Variants in MAP3K19 observed in about 807,000 individuals in gnomAD.
MAP3K19 encodes SPS1/STE20-related protein kinase YSK4.
In MAP3K19, 91 loss-of-function variants were observed where a neutral mutation model predicts 114.4. The observed-to-expected ratio is 0.80, with a 90% CI of 0.67 to 0.95. MAP3K19 has a LOEUF of 0.95. Among genes scored for constraint, MAP3K19 ranks in the 40% least tolerant of loss-of-function variants. MAP3K19 has a pLI of 0.00. For missense variants in MAP3K19, 1,471 were observed against 1,573.2 expected, an observed-to-expected ratio of 0.94 and a Z score of 1.10; for synonymous variants, 518 against 530.5, an observed-to-expected ratio of 0.98 and a Z score of 0.32.
chr2:134,987,135 A>G lies in MAP3K19; in HGVS notation c.1737T>C (p.Leu579=), dbSNP rs748314026. Residue 579 remains leucine, a synonymous_variant, in exon 10 of 13, where the codon CTT becomes CTC. Transcript: ENST00000392915. ...GCAATTGCCAAGGCCTGGGGTCCAC[A>G]AGTCCCAAAGCCGGGAAAATTTGTG... ...IKTQIFPALG[L]VDPRPWQLPR... is the part of the protein sequence containing the mutation. 27 of 1,614,092 alleles carry G rather than the reference A, an allele frequency of 1.7e-5. No homozygotes were observed. The highest frequency in any genetic ancestry group is 2.2e-5 in the Non-Finnish European group (26 of 1,180,036).
chr2:134,986,990 C>G lies in MAP3K19; in HGVS notation c.1882G>C (p.Val628Leu). Residue 628 changes from valine to leucine, a missense_variant, in exon 10 of 13, where the codon GTT (valine) becomes CTT (leucine). By Grantham distance (32) the Val-to-Leu change is conservative (BLOSUM62 1). Transcript: ENST00000392915. The stretch of plus-strand genomic sequence containing the variant: ...TCTGTCGGTTGAACAGAGAGAGGAA[C>G]ACATGACTTCTGTGTTCCTGGATTT... ...CKNPGTQKSC[V>L]PLSVQPTEPR... 6.2e-7 allele frequency: 1 copy of G among 1,613,644 alleles called. No individual in the cohort carries two copies. The highest frequency in any genetic ancestry group is 1.1e-5 in the South Asian group (1 of 91,078).
At chr2:134,989,083 T>C (rs2105245246) in intron 9 of MAP3K19, among the ~76,000 whole-genome samples, 1 of 152,334 alleles carries the variant, frequency 6.6e-6, no homozygotes, top group Admixed American at 6.5e-5. Flanking sequence ...GGCAAATGGA[T>C]GGCTTTCCTT....
At chr2:135,013,074 C>A (rs1048500646) in intron 5 of MAP3K19, among the ~76,000 whole-genome samples, 1 of 152,224 alleles carries the variant, frequency 6.6e-6, no homozygotes, top group East Asian at 1.9e-4. Context: ...AATCCTAACA[C>A]TTTGGGAGGC....
intron 5 of MAP3K19, among the ~76,000 whole-genome samples, chr2:135,006,913 C>T (rs902851190): frequency 3.3e-5 from 5 of 151,994 alleles, no homozygotes; most frequent in Non-Finnish European, 7.4e-5. Flanking sequence ...CATGGTGAGT[C>T]ACACCTATAA....
At position 134,999,754 on chromosome 2, in the gene MAP3K19, A is replaced by T. The variant is rs562955686; in HGVS notation, c.314+183T>A. Among the ~76,000 whole-genome samples, 1 of 90,080 alleles carries T rather than the reference A, an allele frequency of 1.1e-5. No individual in the cohort carries two copies. Among genetic ancestry groups the T allele is most frequent in the East Asian group, 4.7e-4 (1 of 2,138 alleles). 59.1% of individuals were successfully genotyped at this position (90,080 alleles called of 152,430 possible). A position where few individuals can be genotyped will look rare whatever the true frequency, so the allele number is the denominator to read the frequency against. On this transcript the variant is annotated intron_variant, in intron 7 of 12. Coordinates refer to ENST00000392915, the MANE Select transcript of MAP3K19 (RefSeq NM_025052.5). This position sits in a 1 kb window ranked among gnomAD's most constrained non-coding sequence, Gnocchi z 4.1. ...ACAGTTGCAGAGTTGAATCATCACA[A>T]CAGAGACCATATGGCCCACACAGCC...
intron 2 of MAP3K19, among the ~76,000 whole-genome samples, chr2:135,037,615 G>T (rs1688561313): frequency 6.6e-6 from 1 of 152,176 alleles, no homozygotes; most frequent in Non-Finnish European, 1.5e-5. Flanking sequence ...TGCAGGTCTT[G>T]TGAGCAAAAG....
intron 2 of MAP3K19, among the ~76,000 whole-genome samples, chr2:135,037,359 A>G (rs1393241384): frequency 2.0e-5 from 3 of 152,202 alleles, no homozygotes; most frequent in Non-Finnish European, 2.9e-5. Flanking sequence ...GACTTTGCGC[A>G]GCATTGTTGA....
chr2:134,966,627 A>C (rs1244089363), intron 12 of MAP3K19, among the ~76,000 whole-genome samples: 1 of 152,140 alleles, frequency 6.6e-6, no homozygotes, highest in Non-Finnish European at 1.5e-5. Context: ...AACTTGGGTG[A>C]CTTTGGCTAA....
intron 3 of MAP3K19, among the ~76,000 whole-genome samples, chr2:135,025,809 CTCT>C (rs1224717798): frequency 3.0e-4 from 2 of 6,710 alleles, no homozygotes; most frequent in Non-Finnish European, 5.1e-4. Context: ...CAGCACAAGT[CTCT>C]TCTTATCCTA....
Position 135,021,824 on chromosome 2 carries a change from T to G in MAP3K19, c.29A>C (p.His10Pro). The G allele has an allele frequency of 6.3e-7, 1 of 1,587,188 alleles. No homozygotes were observed. The highest frequency in any genetic ancestry group is 1.3e-5 in the African/African-American group (1 of 74,158). The change falls in exon 5 of 13, where the codon CAT (histidine) becomes CCT (proline). Residue 10 changes from histidine (H) to proline (P), a missense_variant. His to Pro is a moderately conservative substitution (Grantham distance 77, BLOSUM62 -2). Transcript: ENST00000392915. The stretch of plus-strand genomic sequence containing the variant: ...ACAAATGTCAAGCAATGACTCAGCA[T>G]GTCTTTCTATCAAAAGAAACATAAT... Reference protein sequence around the residue: MSSMPKPERHAESLLDICHD... With the variant: MSSMPKPERPAESLLDICHD...
chr2:134,987,497 A>G lies in MAP3K19; in HGVS notation c.1375T>C (p.Cys459Arg). The G allele has an allele frequency of 6.2e-7, 1 of 1,614,180 alleles. No individual in the cohort carries two copies. The highest frequency in any genetic ancestry group is 8.5e-7 in the Non-Finnish European group (1 of 1,180,044). ...TTTATGTTTGTCTCCATGCTGCTAC[A>G]ACCTTCTGGGAGTTTATCAATGGGG... Reference protein sequence around the residue: ...DDPIDKLPEGCSSMETNIKIS... With the variant: ...DDPIDKLPEGRSSMETNIKIS... Residue 459 changes from cysteine to arginine, a missense_variant, in exon 10 of 13, where the codon TGT becomes CGT. Transcript: ENST00000392915.
intron 11 of MAP3K19, 109 bp from the exon 12 acceptor site, chr2:134,981,627 C>T (rs1275100771): frequency 7.1e-6 from 6 of 845,932 alleles, no homozygotes; most frequent in South Asian, 1.8e-5. Flanking sequence ...CCTTGTCTTT[C>T]TCTAAGTTGA....
intron 12 of MAP3K19, among the ~76,000 whole-genome samples, chr2:134,971,282 G>T (rs1286867802): frequency 6.6e-6 from 1 of 152,134 alleles, no homozygotes; most frequent in Admixed American, 6.5e-5. Context: ...TGATTATGGT[G>T]TATTATCTTT....
intron 1 of MAP3K19, chr2:135,040,704 G>A (rs938591703): frequency 5.3e-5 from 8 of 152,136 alleles, no homozygotes; most frequent in Non-Finnish European, 1.0e-4. Context: ...TGAAAATAGG[G>A]GGAAATGCCG....
chr2:134,997,057 CAACAAACA>C (rs371868206), intron 8 of MAP3K19, among the ~76,000 whole-genome samples: 2 of 151,938 alleles, frequency 1.3e-5, no homozygotes, highest in African/African-American at 4.8e-5. Flanking sequence ...TCAAACAAAC[CAACAAACA>C]AACAAACAAA....
intron 2 of MAP3K19, among the ~76,000 whole-genome samples, chr2:135,030,986 G>A (rs1014297306): frequency 3.3e-5 from 5 of 152,116 alleles, no homozygotes; most frequent in African/African-American, 4.8e-5. Flanking sequence ...AATGTCACAA[G>A]TATTTCTGCA....
chr2:135,020,573 C>CA (rs1687901622), intron 5 of MAP3K19, among the ~76,000 whole-genome samples: 1 of 152,204 alleles, frequency 6.6e-6, no homozygotes, highest in Admixed American at 6.5e-5. Flanking sequence ...TTCAGCCTCA[C>CA]AAACTGCTGG....
intron 6 of MAP3K19, among the ~76,000 whole-genome samples, chr2:135,002,121 C>T (rs1686484214): frequency 6.6e-6 from 1 of 152,194 alleles, no homozygotes; most frequent in Admixed American, 6.5e-5. Flanking sequence ...AAAGACAAAA[C>T]ACTTGCTCTT....
At chr2:134,976,871 C>G (rs1368019579) in intron 12 of MAP3K19, among the ~76,000 whole-genome samples, 4 of 151,520 alleles carry the variant, frequency 2.6e-5, no homozygotes, top group Non-Finnish European at 5.9e-5. Context: ...ATGGTGAAAC[C>G]CCGTCTCTAC....
Sources: allele counts gnomAD v4.1 joint callset (sites outside exome capture counted in the v4.1 genomes callset), GRCh38; gene constraint gnomAD v4.1.1; non-coding constraint Gnocchi (gnomAD v3.1); transcripts MANE v1.5; gene names NCBI Gene and HGNC (gene_info 2026-07-23, HGNC 2026-07-21).